Variants in GARIN5B observed in about 807,000 individuals in gnomAD.
GARIN5B encodes the protein Golgi-associated RAB2 interactor protein 5B.
At chr19:55,357,204 T>G in the GARIN5B span, among the ~76,000 whole-genome samples, 4 of 152,196 alleles carry the variant, frequency 2.6e-5, no homozygotes, top group South Asian at 8.3e-4. Flanking sequence ...ATGGGGTCTT[T>G]GTGGCCTTTT....
chr19:55,362,613 G>T, the GARIN5B span: 1 of 1,547,100 alleles, frequency 6.5e-7, no homozygotes, highest in Non-Finnish European at 8.7e-7. Context: ...CCCTGTCCTC[G>T]GCGGGCTGGC....
the GARIN5B span, chr19:55,358,305 G>C: frequency 6.5e-7 from 1 of 1,548,564 alleles, no homozygotes; most frequent in Non-Finnish European, 8.7e-7. Flanking sequence ...ATGGGCTCCT[G>C]CGACACCCTC....
At chr19:55,362,233 C>A in the GARIN5B span, 1 of 1,517,104 alleles carries the variant, frequency 6.6e-7, no homozygotes, top group Admixed American at 2.1e-5. Flanking sequence ...GTCTGTGGAG[C>A]TGGGATCCCA....
chr19:55,356,665 T>A, the GARIN5B span, among the ~76,000 whole-genome samples: 1 of 152,170 alleles, frequency 6.6e-6, no homozygotes, highest in Non-Finnish European at 1.5e-5. Flanking sequence ...CACCATTTTT[T>A]AATGTACCCC....
chr19:55,359,769 G>A, the GARIN5B span: 1 of 1,551,384 alleles, frequency 6.4e-7, no homozygotes. Flanking sequence ...CAGGCAGCCG[G>A]GGGATAGGGA....
chr19:55,359,948 C>T, the GARIN5B span: 1 of 1,549,936 alleles, frequency 6.5e-7, no homozygotes, highest in Non-Finnish European at 8.7e-7. Context: ...ATGTCCCTGG[C>T]CTGTGGCTTC....
chr19:55,358,236 G>A, the GARIN5B span: 2 of 1,550,826 alleles, frequency 1.3e-6, no homozygotes, highest in South Asian at 1.2e-5. Flanking sequence ...AAGAGCATGG[G>A]CAAAAGAATT....
chr19:55,363,123 TC>T, the GARIN5B span: 4 of 1,417,082 alleles, frequency 2.8e-6, no homozygotes, highest in Non-Finnish European at 2.8e-6. This position sits in a 1 kb window ranked among gnomAD's most constrained non-coding sequence, Gnocchi z 4.0. Context: ...CGTGCAGGCC[TC>T]CCAGCCCCGG....
At chr19:55,354,976 C>G in the GARIN5B span, 1 of 175,018 alleles carries the variant, frequency 5.7e-6, no homozygotes, top group Admixed American at 5.7e-5. Context: ...CCGCCCCCCC[C>G]CGCCCCCCAA....
At chr19:55,359,703 C>G in the GARIN5B span, 1 of 1,551,478 alleles carries the variant, frequency 6.4e-7, no homozygotes, top group Non-Finnish European at 8.7e-7. Flanking sequence ...TGGTGGGAGC[C>G]CATAGGCCCG....
the GARIN5B span, chr19:55,362,701 T>C: frequency 6.5e-7 from 1 of 1,540,266 alleles, no homozygotes; most frequent in Non-Finnish European, 8.7e-7. Flanking sequence ...GGTTCTGTGA[T>C]TCACGAACAC....
At chr19:55,355,275 T>C in the GARIN5B span, 11 of 1,533,550 alleles carry the variant, frequency 7.2e-6, no homozygotes, top group Non-Finnish European at 9.7e-6. Context: ...AGCGCTGGGC[T>C]CCTCTGGACA....
At chr19:55,360,557 A>G in the GARIN5B span, 4 of 915,088 alleles carry the variant, frequency 4.4e-6, no homozygotes, top group South Asian at 7.8e-5. Context: ...CCAGGAGTCC[A>G]GGCCCCCCAC....
At chr19:55,355,459 G>A in the GARIN5B span, 2 of 1,082,784 alleles carry the variant, frequency 1.8e-6, no homozygotes, top group African/African-American at 1.6e-5. Flanking sequence ...CCCCAGGGCG[G>A]GTCTTGCTGT....
the GARIN5B span, chr19:55,362,620 T>C: frequency 6.5e-7 from 1 of 1,547,326 alleles, no homozygotes; most frequent in Non-Finnish European, 8.7e-7. Flanking sequence ...CTCGGCGGGC[T>C]GGCCGATCAG....
chr19:55,360,025 A>G, the GARIN5B span: 6 of 1,487,894 alleles, frequency 4.0e-6, no homozygotes, highest in Non-Finnish European at 5.4e-6. Flanking sequence ...GGATGCATGG[A>G]GACCCCAGAC....
chr19:55,362,893 C>T, the GARIN5B span: 4 of 1,487,238 alleles, frequency 2.7e-6, no homozygotes, highest in Non-Finnish European at 3.6e-6. Context: ...CCCTCTCAGC[C>T]CCGGGGCACT....
chr19:55,355,085 A>C, the GARIN5B span: 3 of 368,984 alleles, frequency 8.1e-6, no homozygotes, highest in Non-Finnish European at 1.6e-5. Flanking sequence ...TGCGCACAGA[A>C]CCCTCGGGGC....
At chr19:55,358,691 G>A in the GARIN5B span, 21 of 1,551,062 alleles carry the variant, frequency 1.4e-5, no homozygotes, top group Admixed American at 2.9e-4. Flanking sequence ...CGCCTGCGGA[G>A]TCGCCAAGAG....
Sources: gnomAD v4.1 joint callset for allele counts (sites outside exome capture counted in the v4.1 genomes callset) on GRCh38, gnomAD v4.1.1 for gene constraint, Gnocchi (gnomAD v3.1) non-coding constraint, MANE v1.5 for transcripts, NCBI Gene and HGNC (gene_info 2026-07-23, HGNC 2026-07-21) for gene names.